Variants in CYP46A1 observed in about 807,000 individuals in gnomAD.
The protein encoded by CYP46A1 is cytochrome P450 family 46 subfamily A member 1, also known as cholesterol 24-hydroxylase.
In CYP46A1, 20 loss-of-function variants were observed where a neutral mutation model predicts 63.3. That is an observed-to-expected ratio of 0.32 (90% confidence interval 0.22 to 0.46). CYP46A1 has a LOEUF of 0.46. Among genes scored for constraint, CYP46A1 ranks in the 20% least tolerant of loss-of-function variants. The probability of loss-of-function intolerance (pLI) is 1.00; values close to 1 mark genes in which losing one functional copy is unlikely to be tolerated. For missense variants in CYP46A1, 445 were observed against 670.8 expected (o/e 0.66, Z 3.72); for synonymous variants, 268 against 273.6 (o/e 0.98, Z 0.20).
chr14:99,716,226 G>A, intron 9 of CYP46A1, 27 bp downstream of exon 9: 1 of 1,612,552 alleles, frequency 6.2e-7, no homozygotes, highest in Non-Finnish European at 8.5e-7. Context: ...GTGGCCAAGG[G>A]CCCGGAGCTC....
intron 12 of CYP46A1, among the ~76,000 whole-genome samples, chr14:99,724,319 C>A (rs112693336): frequency 8.6e-4 from 131 of 152,306 alleles, no homozygotes; most frequent in African/African-American, 3.1e-3. Context: ...TCCCTGCTCC[C>A]AGCCCCTCTC....
chr14:99,684,619 GGGGT>G, intron 1 of CYP46A1, 83 bp downstream of exon 1: 1 of 1,259,804 alleles, frequency 7.9e-7, no homozygotes, highest in Non-Finnish European at 1.1e-6. Flanking sequence ...GTCCAGGCCG[GGGGT>G]CCGGCCTCGC....
intron 10 of CYP46A1, among the ~76,000 whole-genome samples, chr14:99,718,681 G>A (rs2056815341): frequency 6.6e-6 from 1 of 152,160 alleles, no homozygotes; most frequent in Non-Finnish European, 1.5e-5. Flanking sequence ...AGTGGCTGAA[G>A]CAAGGGTCAA....
intron 3 of CYP46A1, among the ~76,000 whole-genome samples, chr14:99,697,773 C>T (rs1030683751): frequency 7.9e-5 from 12 of 152,148 alleles, no homozygotes; most frequent in African/African-American, 2.2e-4. Context: ...GTTTATGTCA[C>T]CAGGCCATCA....
chr14:99,724,761 T>G (rs1002321391), intron 12 of CYP46A1, among the ~76,000 whole-genome samples: 1 of 152,206 alleles, frequency 6.6e-6, no homozygotes, highest in African/African-American at 2.4e-5. Flanking sequence ...CAGGGCTCCC[T>G]GCACCCTCTG....
intron 5 of CYP46A1, among the ~76,000 whole-genome samples, chr14:99,702,796 C>T (rs569252391): frequency 5.9e-5 from 9 of 152,236 alleles, no homozygotes; most frequent in African/African-American, 2.2e-4. Context: ...ACAATGACTA[C>T]AAACTATAGT....
At chr14:99,707,914 A>T in intron 7 of CYP46A1, 1 of 503,818 alleles carries the variant, frequency 2.0e-6, no homozygotes, top group Non-Finnish European at 3.6e-6. Context: ...TGATCCCCAA[A>T]GCAGGCAATG....
chr14:99,688,787 A>C (rs1034011995), intron 1 of CYP46A1, among the ~76,000 whole-genome samples: 1 of 151,136 alleles, frequency 6.6e-6, no homozygotes, highest in Non-Finnish European at 1.5e-5. Flanking sequence ...CTCTCCACCA[A>C]ACTTGCTGGG....
chr14:99,711,405 AAAG>A (rs1294274327), intron 7 of CYP46A1: 24 of 152,188 alleles, frequency 1.6e-4, no homozygotes, highest in Admixed American at 4.6e-4. Flanking sequence ...CCAAGAAAAA[AAAG>A]AAGACCCATA....
intron 3 of CYP46A1, 119 bp from the exon 4 acceptor site, chr14:99,699,347 A>G: frequency 1.1e-6 from 1 of 900,396 alleles, no homozygotes; most frequent in Non-Finnish European, 1.9e-6. Context: ...ATGCATGGGA[A>G]GTGGGCACAC....
At chr14:99,703,532 T>C (rs2056649789) in intron 5 of CYP46A1, 1 of 965,280 alleles carries the variant, frequency 1.0e-6, no homozygotes, top group Admixed American at 6.2e-5. Context: ...TCCCCAGCCT[T>C]TCTGGAAACC....
At chr14:99,699,759 G>A (rs1206976023) in intron 4 of CYP46A1, among the ~76,000 whole-genome samples, 3 of 152,180 alleles carry the variant, frequency 2.0e-5, no homozygotes, top group African/African-American at 7.2e-5. Context: ...AGGCCACTGA[G>A]GTTGGGTAAC....
chr14:99,715,645 A>G (rs2056781410), intron 7 of CYP46A1, among the ~76,000 whole-genome samples, 165 bp from the exon 8 acceptor site: 1 of 152,188 alleles, frequency 6.6e-6, no homozygotes, highest in South Asian at 2.1e-4. Context: ...TCAGTCTGCC[A>G]TCTTGATCCA....
intron 7 of CYP46A1, chr14:99,711,822 A>G (rs960567356): frequency 7.2e-5 from 11 of 152,172 alleles, no homozygotes; most frequent in Admixed American, 3.9e-4. Context: ...ACAAGGACAC[A>G]ATAAAAAAAG....
chr14:99,696,587 C>A (rs10137574), intron 3 of CYP46A1, among the ~76,000 whole-genome samples: 9 of 152,018 alleles, frequency 5.9e-5, no homozygotes, highest in African/African-American at 1.7e-4. Context: ...TATGATCTGC[C>A]TTGGTATACT....
At chr14:99,687,689 A>T (rs542373412) in intron 1 of CYP46A1, among the ~76,000 whole-genome samples, 2 of 152,294 alleles carry the variant, frequency 1.3e-5, no homozygotes, top group African/African-American at 4.8e-5. Flanking sequence ...CTCTGCCCAC[A>T]GGAGAGCTTG....
At chr14:99,719,247 T>C (rs1053274403) in intron 10 of CYP46A1, among the ~76,000 whole-genome samples, 1 of 152,090 alleles carries the variant, frequency 6.6e-6, no homozygotes, top group South Asian at 2.1e-4. Flanking sequence ...TGAGACAGAG[T>C]CTTGCTCTGT....
At chr14:99,702,069 CAAAAAAAAAAA>C (rs71113217) in intron 5 of CYP46A1, among the ~76,000 whole-genome samples, 44 of 70,750 alleles carry the variant, frequency 6.2e-4, no homozygotes, top group Admixed American at 4.1e-3. Flanking sequence ...GACTCCATCT[CAAAAAAAAAAA>C]AAAAAAAAAA....
At chr14:99,714,074 A>G (rs2056764634) in intron 7 of CYP46A1, among the ~76,000 whole-genome samples, 1 of 152,206 alleles carries the variant, frequency 6.6e-6, no homozygotes, top group Non-Finnish European at 1.5e-5. Flanking sequence ...AAGTTGGCAA[A>G]GGATCTGAAT....
Sources: allele counts gnomAD v4.1 joint callset (sites outside exome capture counted in the v4.1 genomes callset), GRCh38; gene constraint gnomAD v4.1.1; transcripts MANE v1.5; gene names NCBI Gene and HGNC (gene_info 2026-07-23, HGNC 2026-07-21).